The following SRFBP1 variants were observed in gnomAD, a reference collection of about 807,000 sequenced individuals.
The protein encoded by SRFBP1 is serum response factor-binding protein 1.
SRFBP1 carries 47 observed loss-of-function variants against 45.5 expected under a neutral mutation model. That is an observed-to-expected ratio of 1.03 (90% CI 0.82 to 1.32). SRFBP1 has a LOEUF of 1.32. SRFBP1 is among the 40% of genes most tolerant of loss of function. The pLI is 0.00. For synonymous variants in SRFBP1, 203 were observed against 166.3 expected, an observed-to-expected ratio of 1.22 and a Z score of -1.70; for missense variants, 621 against 484.6, an observed-to-expected ratio of 1.28 and a Z score of -2.64.
chr5:122,027,373 TA>T lies in SRFBP1; in HGVS notation c.*249del. 1 of 271,762 alleles carries T rather than the reference TA, an allele frequency of 3.7e-6. No individual in the cohort carries two copies. Among genetic ancestry groups the T allele is most frequent in the South Asian group, 1.2e-4 (1 of 8,380 alleles). The allele number at this position is 271,762 out of a possible 1,614,324, so 16.8% of individuals were successfully genotyped here. On this transcript the variant is annotated 3_prime_UTR_variant, in exon 8 of 8. Coordinates refer to ENST00000339397, the MANE Select transcript of SRFBP1 (RefSeq NM_152546.3). ...GCTATTACTTAAACTCGTATTTGAATAAGTCTCTTGGGGAGAATTATAGAAT... is the reference window on the plus strand; with the variant it reads ...GCTATTACTTAAACTCGTATTTGAATAGTCTCTTGGGGAGAATTATAGAAT...
At chr5:122,015,142 T>G (rs1053893504) in intron 4 of SRFBP1, among the ~76,000 whole-genome samples, 3 of 152,190 alleles carry the variant, frequency 2.0e-5, no homozygotes, top group Non-Finnish European at 2.9e-5. Flanking sequence ...GGGCAGTTTC[T>G]TGGGGAATAC....
At chr5:122,077,238 G>A (rs1754664777), downstream of SRFBP1, 1 of 1,516,610 alleles carries the variant, frequency 6.6e-7, no homozygotes, top group Admixed American at 2.1e-5. This position sits in a 1 kb window ranked among gnomAD's most constrained non-coding sequence, Gnocchi z 4.9. Flanking sequence ...CAGGCGCGTG[G>A]GGGAGGGATC....
intron 4 of SRFBP1, among the ~76,000 whole-genome samples, chr5:122,012,090 A>AT (rs1753107669): frequency 6.6e-6 from 1 of 152,130 alleles, no homozygotes; most frequent in South Asian, 2.1e-4. Flanking sequence ...CAGAAAACAG[A>AT]TTTTGAGTTC....
chr5:122,015,399 C>T (rs1753175784), intron 4 of SRFBP1, among the ~76,000 whole-genome samples: 1 of 152,172 alleles, frequency 6.6e-6, no homozygotes. Context: ...GGGCCTACTA[C>T]ACAGTTTTTT....
At chr5:122,067,637 C>G (rs556963078) in intron 2 of SRFBP1, among the ~76,000 whole-genome samples, 1 of 152,242 alleles carries the variant, frequency 6.6e-6, no homozygotes, top group African/African-American at 2.4e-5. Flanking sequence ...AAATTTTAGC[C>G]TGCTCTTCAG....
chr5:122,050,533 G>T (rs1397066280), intron 2 of SRFBP1, among the ~76,000 whole-genome samples: 1 of 152,122 alleles, frequency 6.6e-6, no homozygotes, highest in Admixed American at 6.6e-5. Flanking sequence ...GTGCATAGAA[G>T]TGTTCATAGT....
intron 1 of SRFBP1, among the ~76,000 whole-genome samples, chr5:121,973,178 C>T (rs915212227): frequency 1.2e-4 from 18 of 151,586 alleles, no homozygotes; most frequent in African/African-American, 4.4e-4. Flanking sequence ...CTCCTGTTTT[C>T]TAGGAGCTTG....
chr5:122,039,911 G>A (rs541622879), intron 2 of SRFBP1, among the ~76,000 whole-genome samples: 3 of 152,214 alleles, frequency 2.0e-5, no homozygotes, highest in South Asian at 4.1e-4. Context: ...TATTTGAAAT[G>A]TCACCATATA....
At chr5:122,007,949 A>G (rs1007056291) in intron 4 of SRFBP1, among the ~76,000 whole-genome samples, 6 of 152,000 alleles carry the variant, frequency 3.9e-5, no homozygotes, top group African/African-American at 1.4e-4. Context: ...CTTGAAGCCT[A>G]GAGTTGTAAG....
At chr5:121,970,639 T>A (rs1752169408) in intron 1 of SRFBP1, among the ~76,000 whole-genome samples, 1 of 152,056 alleles carries the variant, frequency 6.6e-6, no homozygotes, top group Admixed American at 6.6e-5. Context: ...CCTAAGAGGT[T>A]AACTTATCTA....
At chr5:122,054,252 C>G (rs2152578886) in intron 2 of SRFBP1, among the ~76,000 whole-genome samples, 1 of 152,318 alleles carries the variant, frequency 6.6e-6, no homozygotes, top group Admixed American at 6.5e-5. Context: ...GGGGGATTCT[C>G]CTGATCCATC....
intron 4 of SRFBP1, among the ~76,000 whole-genome samples, chr5:122,000,446 A>G (rs1426564523): frequency 6.6e-6 from 1 of 152,046 alleles, no homozygotes; most frequent in Non-Finnish European, 1.5e-5. Context: ...TTTTTCCTGA[A>G]GACTCTTAAA....
At chr5:122,036,623 C>T (rs1309113001) in intron 2 of SRFBP1, among the ~76,000 whole-genome samples, 1 of 152,124 alleles carries the variant, frequency 6.6e-6, no homozygotes, top group Non-Finnish European at 1.5e-5. Flanking sequence ...TGATTTACGC[C>T]TATGTGATTG....
chr5:122,061,006 AGG>A (rs1580550604), intron 2 of SRFBP1, among the ~76,000 whole-genome samples: 2 of 152,096 alleles, frequency 1.3e-5, no homozygotes, highest in Admixed American at 6.6e-5. Context: ...TCAGTTTAAA[AGG>A]GTTTTTTCTA....
At chr5:121,991,728 T>C (rs1752625716) in intron 3 of SRFBP1, among the ~76,000 whole-genome samples, 1 of 152,184 alleles carries the variant, frequency 6.6e-6, no homozygotes, top group Non-Finnish European at 1.5e-5. Context: ...TACCTGACAA[T>C]TCCAGTTATG....
intron 2 of SRFBP1, among the ~76,000 whole-genome samples, chr5:122,061,702 C>T (rs1237406789): frequency 6.6e-6 from 1 of 151,868 alleles, no homozygotes; most frequent in Non-Finnish European, 1.5e-5. Context: ...TAAGCGGTAC[C>T]TAAAAGCATT....
intron 4 of SRFBP1, among the ~76,000 whole-genome samples, chr5:121,998,231 C>G (rs548791495): frequency 6.6e-6 from 1 of 152,006 alleles, no homozygotes; most frequent in East Asian, 1.9e-4. Flanking sequence ...TTTATTGTGG[C>G]GTTATTCGCA....
chr5:122,009,067 GT>G (rs1419025522), intron 4 of SRFBP1, among the ~76,000 whole-genome samples: 1 of 152,152 alleles, frequency 6.6e-6, no homozygotes, highest in African/African-American at 2.4e-5. Context: ...GTATATGAGA[GT>G]TCTAGTTAAA....
intron 4 of SRFBP1, among the ~76,000 whole-genome samples, chr5:122,000,659 A>G (rs1283508173): frequency 6.6e-6 from 1 of 152,076 alleles, no homozygotes; most frequent in African/African-American, 2.4e-5. Context: ...TCCTCTGTAT[A>G]TAATGCCCCA....
Sources: allele counts gnomAD v4.1 joint callset (sites outside exome capture counted in the v4.1 genomes callset), GRCh38; gene constraint gnomAD v4.1.1; non-coding constraint Gnocchi (gnomAD v3.1); transcripts MANE v1.5; gene names NCBI Gene and HGNC (gene_info 2026-07-23, HGNC 2026-07-21).